Variants in GPC5 observed in about 807,000 individuals in gnomAD.
The protein encoded by GPC5 is glypican-5.
GPC5 carries 47 observed loss-of-function variants against 53.9 expected under a neutral mutation model. The ratio of observed to expected loss-of-function variants is 0.87; its 90% CI spans 0.69 to 1.11. The LOEUF (loss-of-function observed/expected upper bound fraction) is 1.11. Among genes scored for constraint, GPC5 ranks in the 50% most tolerant of loss-of-function variants. GPC5 has a pLI of 0.00. For synonymous variants in GPC5, 286 were observed against 263.3 expected (o/e 1.09, Z -0.84); for missense variants, 748 against 713.1 (o/e 1.05, Z -0.56).
chr13:91,512,698 G>C (rs1349399624), intron 2 of GPC5, among the ~76,000 whole-genome samples: 1 of 152,104 alleles, frequency 6.6e-6, no homozygotes, highest in Non-Finnish European at 1.5e-5. Context: ...GGCTGTTAAA[G>C]GTATGCTGAA....
At chr13:91,718,656 G>A (rs1420827449) in intron 3 of GPC5, among the ~76,000 whole-genome samples, 5 of 152,064 alleles carry the variant, frequency 3.3e-5, no homozygotes, top group Admixed American at 6.5e-5. Flanking sequence ...AAGCTTTCCC[G>A]AGTATAACCA....
At chr13:92,260,304 C>T (rs2042757024) in intron 7 of GPC5, among the ~76,000 whole-genome samples, 1 of 152,176 alleles carries the variant, frequency 6.6e-6, no homozygotes, top group Admixed American at 6.5e-5. Context: ...CACTTCTAAG[C>T]CCCTTCTTGG....
chr13:92,612,637 A>G (rs926583261), intron 7 of GPC5, among the ~76,000 whole-genome samples: 1 of 152,094 alleles, frequency 6.6e-6, no homozygotes, highest in Non-Finnish European at 1.5e-5. Flanking sequence ...CAGGACTCTT[A>G]TGTTGTTCTC....
At chr13:91,984,677 C>T (rs1044490079) in intron 6 of GPC5, among the ~76,000 whole-genome samples, 2 of 151,990 alleles carry the variant, frequency 1.3e-5, no homozygotes, top group Non-Finnish European at 2.9e-5. Flanking sequence ...TAATGTGTAC[C>T]TTAGTAATTT....
At chr13:92,592,571 TAAAC>T (rs1475745492) in intron 7 of GPC5, among the ~76,000 whole-genome samples, 1 of 151,046 alleles carries the variant, frequency 6.6e-6, no homozygotes, top group African/African-American at 2.4e-5. Context: ...AAATAGAAAA[TAAAC>T]AAATCTGTTG....
chr13:92,364,011 G>A (rs958010561), intron 7 of GPC5, among the ~76,000 whole-genome samples: 2 of 151,556 alleles, frequency 1.3e-5, no homozygotes, highest in Non-Finnish European at 2.9e-5. Flanking sequence ...AATTGAAGAT[G>A]TATATATTTT....
At chr13:92,022,030 C>A (rs1566398492) in intron 6 of GPC5, among the ~76,000 whole-genome samples, 1 of 151,942 alleles carries the variant, frequency 6.6e-6, no homozygotes, top group Non-Finnish European at 1.5e-5. Flanking sequence ...GACAGAGTCT[C>A]GGTCTGTTGC....
intron 5 of GPC5, among the ~76,000 whole-genome samples, chr13:91,784,695 G>A (rs937384143): frequency 6.9e-6 from 1 of 145,508 alleles, no homozygotes; most frequent in African/African-American, 2.6e-5. Context: ...TTGAACCCCA[G>A]CTTGGGCAAC....
At chr13:92,096,285 C>G (rs894906283) in intron 6 of GPC5, among the ~76,000 whole-genome samples, 2 of 152,232 alleles carry the variant, frequency 1.3e-5, no homozygotes, top group African/African-American at 2.4e-5. Flanking sequence ...CTCTGCCATT[C>G]ATGCAATGAC....
chr13:91,518,775 G>A (rs748007664), intron 2 of GPC5, among the ~76,000 whole-genome samples: 11 of 152,138 alleles, frequency 7.2e-5, no homozygotes, highest in Non-Finnish European at 1.3e-4. Context: ...GGATGGACTC[G>A]ATCTCCTGAC....
chr13:92,310,678 T>C (rs1413976157), intron 7 of GPC5, among the ~76,000 whole-genome samples: 2 of 152,166 alleles, frequency 1.3e-5, no homozygotes, highest in Non-Finnish European at 2.9e-5. Context: ...TTTAATAAAG[T>C]TTTTATTTTC....
intron 7 of GPC5, among the ~76,000 whole-genome samples, chr13:92,779,434 TTCAGTACTACC>T (rs1403103777): frequency 6.6e-6 from 1 of 152,088 alleles, no homozygotes; most frequent in African/African-American, 2.4e-5. Flanking sequence ...AATTTCAAAT[TTCAGTACTACC>T]TGCGAAAAAA....
At chr13:92,268,298 A>G (rs1355954298) in intron 7 of GPC5, among the ~76,000 whole-genome samples, 5 of 152,028 alleles carry the variant, frequency 3.3e-5, no homozygotes, top group Non-Finnish European at 7.4e-5. Flanking sequence ...TGACATATAT[A>G]AAGTACAAAT....
intron 7 of GPC5, among the ~76,000 whole-genome samples, chr13:92,440,758 G>T (rs1302088291): frequency 6.6e-6 from 1 of 152,096 alleles, no homozygotes; most frequent in African/African-American, 2.4e-5. Flanking sequence ...GCCAGCATCT[G>T]TTATTTTTTG....
intron 2 of GPC5, among the ~76,000 whole-genome samples, chr13:91,514,692 A>G (rs1034175987): frequency 2.6e-5 from 4 of 152,166 alleles, no homozygotes; most frequent in Non-Finnish European, 5.9e-5. Context: ...CAAAATATGT[A>G]CAATATTATA....
rs545274271 is a variant in GPC5, at chr13:92,405,594, A to T, written c.1561+260605A>T. Among the ~76,000 whole-genome samples, 6 of 152,334 alleles carry T rather than the reference A, an allele frequency of 3.9e-5. No homozygotes were observed. In the East Asian group the frequency reaches 7.7e-4, roughly 20 times the overall value. ...GATAAGTGAAATTTAAACTTAAATT[A>T]AAAAGAGTGAATTCTTTTCAAGGCT... On this transcript the variant is annotated intron_variant, in intron 7 of 7. Transcript: ENST00000377067.
chr13:92,015,576 G>A (rs1015372225), intron 6 of GPC5, among the ~76,000 whole-genome samples: 1 of 152,144 alleles, frequency 6.6e-6, no homozygotes, highest in Non-Finnish European at 1.5e-5. Flanking sequence ...TTATTGAGAG[G>A]TAGTAAAACT....
intron 6 of GPC5, among the ~76,000 whole-genome samples, chr13:92,068,540 G>A (rs1441095809): frequency 6.6e-6 from 1 of 151,504 alleles, no homozygotes; most frequent in Non-Finnish European, 1.5e-5. Context: ...ACTGACTAGA[G>A]AATCTTGTTT....
intron 7 of GPC5, among the ~76,000 whole-genome samples, chr13:92,365,687 T>A (rs1438233256): frequency 1.3e-5 from 2 of 151,304 alleles, no homozygotes; most frequent in African/African-American, 4.9e-5. Flanking sequence ...CTTTGTAAAT[T>A]TTTTGTTAAA....
Sources: gnomAD v4.1 joint callset for allele counts (sites outside exome capture counted in the v4.1 genomes callset) on GRCh38, gnomAD v4.1.1 for gene constraint, MANE v1.5 for transcripts, NCBI Gene and HGNC (gene_info 2026-07-23, HGNC 2026-07-21) for gene names.